CCDC171: variants seen among roughly 807,000 people sequenced by gnomAD.
CCDC171 encodes the protein coiled-coil domain-containing protein 171.
CCDC171 carries 177 observed loss-of-function variants against 168.2 expected under a neutral mutation model. The ratio of observed to expected loss-of-function variants is 1.05; its 90% CI spans 0.93 to 1.19. The LOEUF (loss-of-function observed/expected upper bound fraction) is 1.19, where lower values mean the gene tolerates loss of function less well. Among genes scored for constraint, CCDC171 ranks in the 50% most tolerant of loss-of-function variants. CCDC171 has a pLI of 0.00. For missense variants in CCDC171, 1,991 were observed against 1,539.0 expected (o/e 1.29, Z -4.91); for synonymous variants, 687 against 540.8 (o/e 1.27, Z -3.75).
intron 11 of CCDC171, among the ~76,000 whole-genome samples, chr9:15,707,584 T>C (rs1222837694): frequency 6.6e-6 from 1 of 152,182 alleles, no homozygotes; most frequent in Non-Finnish European, 1.5e-5. Flanking sequence ...TTATCCACTT[T>C]CTCCCTTCCT....
intron 6 of CCDC171, among the ~76,000 whole-genome samples, chr9:15,617,537 C>T (rs181051329): frequency 8.3e-4 from 126 of 151,964 alleles, no homozygotes; most frequent in African/African-American, 2.9e-3. Context: ...CCACCACACC[C>T]GGCTAATTTT....
At chr9:15,729,511 TA>T in intron 15 of CCDC171, 98 bp from the exon 16 acceptor site, 2 of 646,176 alleles carry the variant, frequency 3.1e-6, no homozygotes, top group Non-Finnish European at 4.9e-6. Context: ...TCTTAAGGAA[TA>T]AAATATAGTA....
In CCDC171 at chr9:15,744,477, A is replaced by C. The variant is rs2055123741; in HGVS notation, c.2254A>C (p.Arg752=). 1.9e-5 allele frequency: 30 copies of C among 1,614,184 alleles called. No individual in the cohort carries two copies. Among genetic ancestry groups the C allele is most frequent in the Non-Finnish European group, 2.5e-5 (29 of 1,180,026 alleles). ...YSRSCALSTQ[R]DFLQEQVNTF... is the part of the protein sequence containing the mutation. ...CCGATCATGCGCCTTGTCTACACAG[A>C]GAGATTTTCTCCAGGAGCAGGTCAA... Residue 752 remains arginine, a synonymous_variant, in exon 17 of 26, where the codon AGA becomes CGA. Transcript: ENST00000380701.
intron 9 of CCDC171, among the ~76,000 whole-genome samples, chr9:15,673,013 T>C (rs2049236255): frequency 6.6e-6 from 1 of 152,224 alleles, no homozygotes; most frequent in Non-Finnish European, 1.5e-5. Flanking sequence ...CATTTGTTTG[T>C]GTCCTCTTTT....
chr9:15,599,540 A>G lies in CCDC171; in HGVS notation c.675+5368A>G, dbSNP rs534331515. ...TCCGCTGTTAGTCTGATGGGCTTCCATTTGTGGGTCACCCAACCTTTCTGT... is the reference window on the plus strand; with the variant it reads ...TCCGCTGTTAGTCTGATGGGCTTCCGTTTGTGGGTCACCCAACCTTTCTGT... On this transcript the variant is annotated intron_variant, in intron 6 of 25. Transcript: ENST00000380701. Among the ~76,000 whole-genome samples, 5 of 152,110 alleles carry G rather than the reference A, an allele frequency of 3.3e-5. No individual in the cohort carries two copies. In the East Asian group the frequency reaches 5.8e-4, roughly 18 times the overall value.
chr9:15,939,737 C>T (rs1827511812), intron 25 of CCDC171, among the ~76,000 whole-genome samples: 1 of 151,828 alleles, frequency 6.6e-6, no homozygotes, highest in Non-Finnish European at 1.5e-5. Context: ...AATAAGATTT[C>T]ATGTAATAAA....
chr9:15,729,255 T>G (rs1242055691), intron 15 of CCDC171, among the ~76,000 whole-genome samples: 4 of 152,184 alleles, frequency 2.6e-5, no homozygotes, highest in Non-Finnish European at 4.4e-5. Context: ...TTTTTAAATC[T>G]TACTTACTTT....
rs563933560 is a variant in CCDC171 at position 16,026,074 on chromosome 9, A to T, written n.998+3166A>T. The stretch of plus-strand genomic sequence containing the variant: ...CTCAACTGTATGGTAAGGGAAGATC[A>T]CGATACTCAGAGATACCATGTCACG... On this transcript the variant is annotated intron_variant and non_coding_transcript_variant, in intron 6 of 9. Coordinates refer to the CCDC171 transcript ENST00000486641. Among the ~76,000 whole-genome samples the T allele has an allele frequency of 2.0e-5, 3 of 152,320 alleles. No individual in the cohort carries two copies. The South Asian group carries it at 6.2e-4, about 32-fold the overall frequency.
intron 6 of CCDC171, among the ~76,000 whole-genome samples, chr9:16,032,144 G>A (rs10738424): frequency 0.37 from 56,314 of 152,068 alleles, 12,275 homozygotes; most frequent in East Asian, 0.63. Flanking sequence ...TTTCTGTGAG[G>A]GAGGAAGGTG....
chr9:15,853,064 A>C (rs1169145020), intron 23 of CCDC171, among the ~76,000 whole-genome samples: 1 of 151,682 alleles, frequency 6.6e-6, no homozygotes, highest in Non-Finnish European at 1.5e-5. Flanking sequence ...AAGTTCTCTC[A>C]TAAAATTCCA....
At chr9:15,794,936 C>G (rs1456499324) in intron 21 of CCDC171, among the ~76,000 whole-genome samples, 1 of 152,356 alleles carries the variant, frequency 6.6e-6, no homozygotes, top group Middle Eastern at 3.4e-3. Flanking sequence ...GTTTCTCCTA[C>G]TGTCATCACT....
chr9:15,858,180 G>T (rs2061418052), intron 23 of CCDC171, among the ~76,000 whole-genome samples: 1 of 151,724 alleles, frequency 6.6e-6, no homozygotes, highest in Admixed American at 6.6e-5. Context: ...ACCATGCCTG[G>T]CTAATTTTTT....
intron 5 of CCDC171, among the ~76,000 whole-genome samples, chr9:15,591,954 TCTATGTAGA>T (rs2042035667): frequency 6.6e-6 from 1 of 152,146 alleles, no homozygotes; most frequent in Admixed American, 6.5e-5. Context: ...AGCTTCATTA[TCTATGTAGA>T]GCATGTTTTG....
At chr9:15,934,487 A>G (rs1353547939) in intron 25 of CCDC171, among the ~76,000 whole-genome samples, 1 of 152,014 alleles carries the variant, frequency 6.6e-6, no homozygotes, top group Admixed American at 6.6e-5. Context: ...ACCCACTAGG[A>G]TGGTCATAAT....
At chr9:15,775,614 G>A (rs1326119698) in intron 18 of CCDC171, among the ~76,000 whole-genome samples, 3 of 152,096 alleles carry the variant, frequency 2.0e-5, no homozygotes, top group Non-Finnish European at 4.4e-5. Flanking sequence ...CACTGTGACC[G>A]GCCTATTTAT....
chr9:15,761,712 C>G (rs1005970844), intron 18 of CCDC171, among the ~76,000 whole-genome samples: 1 of 152,144 alleles, frequency 6.6e-6, no homozygotes, highest in Admixed American at 6.5e-5. Context: ...GAAACAAGCA[C>G]AATCTGACTG....
intron 11 of CCDC171, among the ~76,000 whole-genome samples, chr9:15,703,646 C>G (rs1185778577): frequency 1.3e-5 from 2 of 152,074 alleles, no homozygotes; most frequent in Admixed American, 6.6e-5. Context: ...TAAAATATCC[C>G]TTTATCCATT....
chr9:15,583,540 C>G (rs2041308272), intron 4 of CCDC171, among the ~76,000 whole-genome samples: 1 of 151,992 alleles, frequency 6.6e-6, no homozygotes, highest in South Asian at 2.1e-4. Context: ...TGAAGTAACT[C>G]AGGAATAGAA....
chr9:15,908,260 G>A (rs1470292217), intron 24 of CCDC171, among the ~76,000 whole-genome samples: 1 of 152,196 alleles, frequency 6.6e-6, no homozygotes, highest in Non-Finnish European at 1.5e-5. Context: ...TAACCCAAAT[G>A]TCCAACCATG....
Sources: allele counts gnomAD v4.1 joint callset (sites outside exome capture counted in the v4.1 genomes callset), GRCh38; gene constraint gnomAD v4.1.1; transcripts MANE v1.5; gene names NCBI Gene and HGNC (gene_info 2026-07-23, HGNC 2026-07-21).